The following LRPPRC variants were observed in gnomAD, a reference collection of about 807,000 sequenced individuals.
The protein encoded by LRPPRC is leucine-rich PPR motif-containing protein, mitochondrial.
Under a neutral mutation model 180.3 loss-of-function variants are expected in LRPPRC, and 120 were observed. The ratio of observed to expected loss-of-function variants is 0.67; its 90% CI spans 0.57 to 0.77. The LOEUF (loss-of-function observed/expected upper bound fraction) is 0.77, where lower values mean the gene tolerates loss of function less well. Ranked by LOEUF, LRPPRC falls within the 30% of genes least tolerant of loss-of-function variation. The probability of loss-of-function intolerance (pLI) is 0.00; values close to 1 mark genes in which losing one functional copy is unlikely to be tolerated. For synonymous variants in LRPPRC, 723 were observed against 600.0 expected, an observed-to-expected ratio of 1.21 and a Z score of -3.00; for missense variants, 2,012 against 1,657.2, an observed-to-expected ratio of 1.21 and a Z score of -3.72.
At chr2:43,987,284 A>G (rs1028702792) in intron 1 of LRPPRC, among the ~76,000 whole-genome samples, 3 of 152,026 alleles carry the variant, frequency 2.0e-5, no homozygotes, top group African/African-American at 7.3e-5. Context: ...TCACGAGGTC[A>G]GGAGATTGAG....
At chr2:43,913,955 G>A (rs938296850) in intron 29 of LRPPRC, among the ~76,000 whole-genome samples, 1 of 152,194 alleles carries the variant, frequency 6.6e-6, no homozygotes, top group African/African-American at 2.4e-5. Context: ...TTGAGTACCA[G>A]TATCAATGCA....
chr2:43,889,251 G>C (rs1670389367), intron 37 of LRPPRC, among the ~76,000 whole-genome samples: 1 of 132,136 alleles, frequency 7.6e-6, no homozygotes, highest in Non-Finnish European at 1.5e-5. Flanking sequence ...GGAGGCGGAG[G>C]TTGCAGTGAG....
chr2:43,992,740 G>A (rs142130916), intron 1 of LRPPRC, among the ~76,000 whole-genome samples: 2 of 152,254 alleles, frequency 1.3e-5, no homozygotes, highest in East Asian at 3.9e-4. Flanking sequence ...GGATCTTTCT[G>A]GAAGGCAGGT....
At chr2:43,994,053 C>T (rs1338153244) in intron 1 of LRPPRC, among the ~76,000 whole-genome samples, 1 of 151,880 alleles carries the variant, frequency 6.6e-6, no homozygotes, top group African/African-American at 2.4e-5. Flanking sequence ...TTCAGTTCTC[C>T]TCAAATGCAA....
At chr2:43,948,558 C>T (rs752714001) in intron 16 of LRPPRC, 40 bp from the exon 17 acceptor site, 3 of 948,654 alleles carry the variant, frequency 3.2e-6, no homozygotes, top group East Asian at 2.4e-5. Flanking sequence ...ACTAAAATTA[C>T]CGAGACTGTC....
chr2:43,925,653 C>T (rs1268602554), intron 26 of LRPPRC, among the ~76,000 whole-genome samples: 2 of 152,174 alleles, frequency 1.3e-5, no homozygotes, highest in East Asian at 3.8e-4. Context: ...GACATTAGGT[C>T]AGCCTGCTCC....
intron 23 of LRPPRC, among the ~76,000 whole-genome samples, chr2:43,935,711 C>T (rs946805191): frequency 6.6e-6 from 1 of 152,120 alleles, no homozygotes; most frequent in African/African-American, 2.4e-5. Flanking sequence ...TTAACCCTGT[C>T]TTTATTAAAA....
chr2:43,921,086 G>A (rs1671683005), intron 27 of LRPPRC, among the ~76,000 whole-genome samples: 1 of 152,140 alleles, frequency 6.6e-6, no homozygotes, highest in African/African-American at 2.4e-5. Context: ...GAGGCCAGGA[G>A]TTCGAGACCA....
At chr2:43,985,883 A>G (rs1674507426) in intron 1 of LRPPRC, among the ~76,000 whole-genome samples, 1 of 152,250 alleles carries the variant, frequency 6.6e-6, no homozygotes, top group Admixed American at 6.5e-5. Flanking sequence ...TAAGAAAACT[A>G]TCAAACTATC....
chr2:43,901,637 T>C (rs1015445020), intron 31 of LRPPRC, 113 bp from the exon 32 acceptor site: 7 of 709,064 alleles, frequency 9.9e-6, no homozygotes, highest in Non-Finnish European at 1.8e-5. Context: ...CAAAAAGCTA[T>C]GAATAATTAA....
intron 31 of LRPPRC, 146 bp from the exon 32 acceptor site, chr2:43,901,670 A>G (rs1186771843): frequency 3.0e-6 from 2 of 658,996 alleles, no homozygotes; most frequent in East Asian, 5.4e-5. Context: ...GAAAATTATT[A>G]ATACTTCATG....
chr2:43,963,379 G>A (rs1673428146), intron 12 of LRPPRC: 1 of 616,426 alleles, frequency 1.6e-6, no homozygotes. Context: ...AGGAGGCAAA[G>A]GTTGCAGTGA....
rs185682844 is a variant in LRPPRC at position 43,995,700 on chromosome 2, G to A, written c.149+99C>T. 1.4e-5 allele frequency: 16 copies of A among 1,145,432 alleles called. No homozygotes were observed. In the Admixed American group the frequency reaches 3.8e-4, roughly 27 times the overall value. 71.0% of individuals were successfully genotyped at this position (1,145,432 alleles called of 1,614,324 possible). A position where few individuals can be genotyped will look rare whatever the true frequency, so the allele number is the denominator to read the frequency against. On this transcript the variant is annotated intron_variant, in intron 1 of 37. Transcript: ENST00000260665. ...AGGCTAGGTCCTGGGGCGGGGAGAAGGGTGGCGAGCACAGGCAGGACCCGG... is the reference window on the plus strand; with the variant it reads ...AGGCTAGGTCCTGGGGCGGGGAGAAAGGTGGCGAGCACAGGCAGGACCCGG...
rs760961765 is a variant in LRPPRC, at chr2:43,889,846, G to A, written c.4016C>T (p.Ala1339Val). 1 of 1,608,948 alleles carries A rather than the reference G, an allele frequency of 6.2e-7. No homozygotes were observed. Among genetic ancestry groups the A allele is most frequent in the South Asian group, 1.1e-5 (1 of 90,972 alleles). The change falls in exon 37 of 38, where the codon GCA becomes GTA. Residue 1339 changes from alanine to valine, a missense_variant. Coordinates refer to ENST00000260665, the MANE Select transcript of LRPPRC (RefSeq NM_133259.4). ...VSEKDVTSAK[A>V]LYEHLTAKNT... ...CTTTGCAGTCAAATGTTCATACAGT[G>A]CTTTAGCAGATGTGACATCTTTCTC...
At chr2:43,904,116 AT>A (rs759846340) in intron 31 of LRPPRC, among the ~76,000 whole-genome samples, 1 of 151,946 alleles carries the variant, frequency 6.6e-6, no homozygotes, top group African/African-American at 2.4e-5. Flanking sequence ...CTATTTAAAA[AT>A]TTTTTGTAGA....
intron 1 of LRPPRC, among the ~76,000 whole-genome samples, chr2:43,986,700 CTCATTCTGAGACGG>C (rs1674541110): frequency 1.0e-5 from 1 of 97,722 alleles, no homozygotes; most frequent in African/African-American, 5.7e-5. Flanking sequence ...CTCAGACGGT[CTCATTCTGAGACGG>C]TCTCATTCTG....
At chr2:43,984,006 T>C (rs1467326521) in intron 1 of LRPPRC, among the ~76,000 whole-genome samples, 1 of 152,148 alleles carries the variant, frequency 6.6e-6, no homozygotes, top group African/African-American at 2.4e-5. Flanking sequence ...ATCAGCACAT[T>C]GTAGATGGCT....
Position 43,886,299 on chromosome 2 carries a change from T to C in LRPPRC, c.*2301A>G, listed in dbSNP as rs1409607205. 2.6e-5 allele frequency among the ~76,000 whole-genome samples: 4 copies of C among 152,192 alleles called. No homozygotes were observed. The highest frequency in any genetic ancestry group is 2.0e-4 in the Admixed American group (3 of 15,272). On this transcript the variant is annotated 3_prime_UTR_variant, in exon 38 of 38. Transcript: ENST00000260665. The stretch of plus-strand genomic sequence containing the variant: ...GTTCAAATACATGAACATATAATTA[T>C]ATATAAAATACTATAGTTCTCAATA...
chr2:43,896,645 T>G lies in LRPPRC; in HGVS notation c.3889A>C (p.Lys1297Gln). ...GTAAAGCACAGTACCTTTCCTTGTT[T>G]CCTAGAATTCCTAAGGAGGAACAAC... ...LLLFLLRNSR[K>Q]QGKASTVKSV... The change falls in exon 35 of 38, where the codon AAA becomes CAA. Residue 1297 changes from lysine (K) to glutamine (Q), a missense_variant. Transcript: ENST00000260665. The G allele has an allele frequency of 6.2e-7, 1 of 1,608,378 alleles. No homozygotes were observed. The highest frequency in any genetic ancestry group is 8.5e-7 in the Non-Finnish European group (1 of 1,174,934).
Sources: allele counts gnomAD v4.1 joint callset (sites outside exome capture counted in the v4.1 genomes callset), GRCh38; gene constraint gnomAD v4.1.1; transcripts MANE v1.5; gene names NCBI Gene and HGNC (gene_info 2026-07-23, HGNC 2026-07-21).